SFMBT1: variants seen among roughly 807,000 people sequenced by gnomAD.
The protein encoded by SFMBT1 is Scm like with four mbt domains 1, also known as scm-like with four MBT domains protein 1.
SFMBT1 carries 32 observed loss-of-function variants against 108.7 expected under a neutral mutation model. The observed-to-expected ratio is 0.29, with a 90% CI of 0.22 to 0.40. The LOEUF (loss-of-function observed/expected upper bound fraction) is 0.40, where lower values mean the gene tolerates loss of function less well. Ranked by LOEUF, SFMBT1 falls within the 10% of genes least tolerant of loss-of-function variation. The pLI, the probability that SFMBT1 is intolerant of heterozygous loss-of-function variation, is 1.00. For synonymous variants in SFMBT1, 348 were observed against 369.5 expected (o/e 0.94, Z 0.67); for missense variants, 816 against 1,059.6 (o/e 0.77, Z 3.19).
chr3:52,964,667 CAGA>C (rs1376795504), intron 2 of SFMBT1, among the ~76,000 whole-genome samples: 1 of 152,124 alleles, frequency 6.6e-6, no homozygotes, highest in African/African-American at 2.4e-5. Flanking sequence ...AAAAGCTCCT[CAGA>C]GAAACAGCGG....
rs187543661 is a variant in SFMBT1, at chr3:52,957,922, G to A, written c.29-3511C>T. Among the ~76,000 whole-genome samples the A allele has an allele frequency of 3.9e-4, 60 of 152,126 alleles. No homozygotes were observed. In the East Asian group the frequency reaches 9.1e-3, roughly 23 times the overall value. On this transcript the variant is annotated intron_variant, in intron 2 of 20. Coordinates refer to ENST00000394752, the MANE Select transcript of SFMBT1 (RefSeq NM_016329.4). The stretch of plus-strand genomic sequence containing the variant: ...TGAGCAAAGATTTCATGACAAAAAC[G>A]TCAAAAGCAATTGCAACAAAAGCAA...
chr3:53,022,871 C>T (rs1385442109), intron 1 of SFMBT1, among the ~76,000 whole-genome samples: 1 of 152,158 alleles, frequency 6.6e-6, no homozygotes, highest in African/African-American at 2.4e-5. Context: ...TGAACATAGT[C>T]ATACCACTGA....
chr3:53,027,137 G>A (rs1197259395), intron 1 of SFMBT1, among the ~76,000 whole-genome samples: 3 of 152,098 alleles, frequency 2.0e-5, no homozygotes, highest in Non-Finnish European at 4.4e-5. Context: ...TACACTAGAT[G>A]TTTCCTCTAT....
intron 1 of SFMBT1, among the ~76,000 whole-genome samples, chr3:52,976,887 G>T (rs1449865571): frequency 6.6e-6 from 1 of 152,074 alleles, no homozygotes; most frequent in Non-Finnish European, 1.5e-5. Flanking sequence ...CACCCAGATT[G>T]GCAAAAACAA....
intron 1 of SFMBT1, among the ~76,000 whole-genome samples, chr3:52,992,067 G>C (rs1705154751): frequency 6.6e-6 from 1 of 152,140 alleles, no homozygotes; most frequent in South Asian, 2.1e-4. Context: ...CTTCTAAGCA[G>C]CTCCGCCACA....
intron 1 of SFMBT1, among the ~76,000 whole-genome samples, chr3:53,015,854 A>T (rs908416453): frequency 6.6e-6 from 1 of 152,212 alleles, no homozygotes; most frequent in Non-Finnish European, 1.5e-5. Context: ...AAATTAGATT[A>T]TCATGATGGT....
At chr3:53,014,894 T>C (rs1422608281) in intron 1 of SFMBT1, among the ~76,000 whole-genome samples, 1 of 152,130 alleles carries the variant, frequency 6.6e-6, no homozygotes, top group African/African-American at 2.4e-5. Context: ...ACAAATGTCA[T>C]TTAAAAAGCC....
intron 14 of SFMBT1, 53 bp downstream of exon 14, chr3:52,916,097 G>C (rs1702343265): frequency 1.4e-6 from 2 of 1,444,484 alleles, no homozygotes. Context: ...TTCAGATATA[G>C]TCCATTAAAA....
At chr3:52,919,403 C>T (rs1002008200) in intron 12 of SFMBT1, among the ~76,000 whole-genome samples, 6 of 152,142 alleles carry the variant, frequency 3.9e-5, no homozygotes, top group African/African-American at 1.4e-4. Flanking sequence ...GAGCAGTACA[C>T]TAAATGAAAG....
Position 52,916,216 on chromosome 3 carries a change from T to TG in SFMBT1, c.1416-3dup. On this transcript the variant is annotated splice_region_variant and splice_polypyrimidine_tract_variant and intron_variant, in intron 13 of 20. Transcript: ENST00000394752. ...TGGACAGTCCTCGAGGATGGTACTC[T>TG]GGGTCAAGAAAACACAGTAAAATAG... The TG allele has an allele frequency of 6.2e-7, 1 of 1,613,618 alleles. No individual in the cohort carries two copies. The highest frequency in any genetic ancestry group is 1.1e-5 in the South Asian group (1 of 91,044).
chr3:52,938,886 T>A (rs1490065536), intron 4 of SFMBT1, among the ~76,000 whole-genome samples: 3 of 152,242 alleles, frequency 2.0e-5, no homozygotes, highest in Non-Finnish European at 4.4e-5. Context: ...CATTCCCTAG[T>A]GGACGCCTTA....
rs1164268797 is a variant in SFMBT1 at position 52,943,367 on chromosome 3, A to G, written c.350T>C (p.Leu117Pro). 5.6e-6 allele frequency: 9 copies of G among 1,614,042 alleles called. No homozygotes were observed. The highest frequency in any genetic ancestry group is 5.9e-6 in the Non-Finnish European group (7 of 1,180,002). ...TATTTCATTACCTTCTGGGGCTTCA[A>G]GGGTCTTCTTATTCTGCTCACACCA... Reference protein sequence around the residue: ...IGWCEQNKKTLEAPEGIRDKV... With the variant: ...IGWCEQNKKTPEAPEGIRDKV... The change falls in exon 4 of 21, where the codon CTT becomes CCT. Residue 117 changes from leucine (L) to proline (P), a missense_variant. Leu to Pro is a moderately conservative substitution (Grantham distance 98). Coordinates refer to ENST00000394752, the MANE Select transcript of SFMBT1 (RefSeq NM_016329.4).
intron 1 of SFMBT1, among the ~76,000 whole-genome samples, chr3:52,989,711 T>C (rs1705054590): frequency 6.6e-6 from 1 of 150,640 alleles, no homozygotes. Context: ...GGAGAATTGC[T>C]TGAACCTGGG....
chr3:52,921,851 A>G lies in SFMBT1; in HGVS notation c.1132-20T>C. On this transcript the variant is annotated intron_variant, in intron 10 of 20. Transcript: ENST00000394752. ...AATTAACTAGAAAATGAATGAATCAAATCAATTTACTGGATTAACACAGTA... is the reference window on the plus strand; with the variant it reads ...AATTAACTAGAAAATGAATGAATCAGATCAATTTACTGGATTAACACAGTA... 6.2e-7 allele frequency: 1 copy of G among 1,612,826 alleles called. No individual in the cohort carries two copies. The highest frequency in any genetic ancestry group is 1.1e-5 in the South Asian group (1 of 91,042).
At chr3:52,942,878 C>T (rs943287309) in intron 4 of SFMBT1, among the ~76,000 whole-genome samples, 2 of 152,226 alleles carry the variant, frequency 1.3e-5, no homozygotes, top group African/African-American at 4.8e-5. Context: ...TCACCCTTCT[C>T]TTTCTTTTGC....
At chr3:52,981,070 G>A (rs1310777729) in intron 1 of SFMBT1, among the ~76,000 whole-genome samples, 2 of 151,092 alleles carry the variant, frequency 1.3e-5, no homozygotes, top group Non-Finnish European at 2.9e-5. Flanking sequence ...GCTGAGGCAA[G>A]AGAATCACTT....
At chr3:52,986,000 C>T (rs780057456) in intron 1 of SFMBT1, among the ~76,000 whole-genome samples, 4 of 151,630 alleles carry the variant, frequency 2.6e-5, no homozygotes, top group Non-Finnish European at 5.9e-5. Context: ...AAAATTAGCT[C>T]GGTGTGGTAG....
At chr3:52,910,169 T>C (rs768628464) in intron 17 of SFMBT1, among the ~76,000 whole-genome samples, 21 of 152,150 alleles carry the variant, frequency 1.4e-4, no homozygotes, top group Non-Finnish European at 2.5e-4. Context: ...CCCCACAGTA[T>C]TTCTCTAAAT....
chr3:53,030,354 A>T (rs1290799559), intron 1 of SFMBT1, among the ~76,000 whole-genome samples: 3 of 152,146 alleles, frequency 2.0e-5, no homozygotes, highest in African/African-American at 7.2e-5. Context: ...ATAGTGGCCT[A>T]CAGAAGGGAC....
Sources: gnomAD v4.1 joint callset for allele counts (sites outside exome capture counted in the v4.1 genomes callset) on GRCh38, gnomAD v4.1.1 for gene constraint, MANE v1.5 for transcripts, NCBI Gene and HGNC (gene_info 2026-07-23, HGNC 2026-07-21) for gene names.